SLC17A1: variants seen among roughly 807,000 people sequenced by gnomAD.
SLC17A1 encodes the protein sodium-dependent phosphate transport protein 1.
SLC17A1 carries 51 observed loss-of-function variants against 53.5 expected under a neutral mutation model. That is an observed-to-expected ratio of 0.95 (90% CI 0.76 to 1.20). The LOEUF is 1.20. SLC17A1 is among the 50% of genes most tolerant of loss of function. SLC17A1 has a pLI of 0.00. For missense variants in SLC17A1, 538 were observed against 568.2 expected (o/e 0.95, Z 0.54); for synonymous variants, 179 against 198.8 (o/e 0.90, Z 0.84).
At chr6:25,734,025 A>AGGTTGATCTCAAACTCCTGACCTC in the SLC17A1 span, among the ~76,000 whole-genome samples, 1 of 152,072 alleles carries the variant, frequency 6.6e-6, no homozygotes, top group East Asian at 1.9e-4. Flanking sequence ...CACGATGGTT[A>AGGTTGATCTCAAACTCCTGACCTC]GGTTGATCTC....
the SLC17A1 span, among the ~76,000 whole-genome samples, chr6:25,733,286 T>C: frequency 6.6e-6 from 1 of 152,094 alleles, no homozygotes; most frequent in African/African-American, 2.4e-5. Context: ...ATTTTGGGGG[T>C]TGAATTTTAG....
chr6:25,768,734 A>G, the SLC17A1 span, among the ~76,000 whole-genome samples: 1 of 152,136 alleles, frequency 6.6e-6, no homozygotes, highest in South Asian at 2.1e-4. Flanking sequence ...CCCTGCCTAA[A>G]AAGCTCTCCC....
intron 1 of SLC17A1, among the ~76,000 whole-genome samples, chr6:25,831,032 T>A (rs1333855973): frequency 6.6e-6 from 1 of 152,010 alleles, no homozygotes; most frequent in Non-Finnish European, 1.5e-5. Context: ...TAAGCAAAGG[T>A]AAAACAAATT....
chr6:25,745,762 G>C, the SLC17A1 span, among the ~76,000 whole-genome samples: 1 of 152,154 alleles, frequency 6.6e-6, no homozygotes, highest in East Asian at 1.9e-4. Context: ...GAACTAATCC[G>C]TTACTCACAA....
intron 12 of SLC17A1, among the ~76,000 whole-genome samples, chr6:25,792,947 T>C (rs1049716771): frequency 1.3e-5 from 2 of 152,172 alleles, no homozygotes; most frequent in Non-Finnish European, 2.9e-5. Context: ...AAGTCCTTCC[T>C]CTAGAAGGTG....
chr6:25,790,478 A>T (rs1407961935), intron 12 of SLC17A1, among the ~76,000 whole-genome samples: 1 of 152,148 alleles, frequency 6.6e-6, no homozygotes, highest in East Asian at 1.9e-4. Context: ...ATGATGCTCC[A>T]TTGCCCCTTC....
At chr6:25,761,480 C>T in the SLC17A1 span, among the ~76,000 whole-genome samples, 1 of 152,194 alleles carries the variant, frequency 6.6e-6, no homozygotes, top group Non-Finnish European at 1.5e-5. Flanking sequence ...ATATCTCTTA[C>T]TGTCTTTGCA....
intron 6 of SLC17A1, among the ~76,000 whole-genome samples, chr6:25,813,982 C>T (rs1419847319): frequency 6.6e-6 from 1 of 152,182 alleles, no homozygotes; most frequent in Non-Finnish European, 1.5e-5. Flanking sequence ...TCCAGTCTAT[C>T]ATTGATGGGC....
chr6:25,765,658 G>A, the SLC17A1 span, among the ~76,000 whole-genome samples: 1 of 152,152 alleles, frequency 6.6e-6, no homozygotes, highest in Non-Finnish European at 1.5e-5. Flanking sequence ...GGAAAAAAAT[G>A]TCACTGCAGA....
At chr6:25,726,119 T>C in the SLC17A1 span, 97 of 1,509,106 alleles carry the variant, frequency 6.4e-5, no homozygotes, top group Non-Finnish European at 8.2e-5. Flanking sequence ...TTTTTACCAA[T>C]GACAACCTTA....
At chr6:25,727,319 C>T in the SLC17A1 span, 4 of 1,549,040 alleles carry the variant, frequency 2.6e-6, no homozygotes, top group African/African-American at 2.7e-5. Flanking sequence ...TCATTTCTAA[C>T]CCAAAGGCTC....
chr6:25,739,075 T>C, the SLC17A1 span, among the ~76,000 whole-genome samples: 1 of 152,126 alleles, frequency 6.6e-6, no homozygotes, highest in African/African-American at 2.4e-5. Context: ...TTTTAGTCAG[T>C]TTGGGCTGCT....
chr6:25,728,538 C>T, the SLC17A1 span, among the ~76,000 whole-genome samples: 57 of 152,120 alleles, frequency 3.7e-4, no homozygotes, highest in African/African-American at 1.3e-3. Context: ...TAGTACCGGC[C>T]GGCGCGGTGG....
chr6:25,750,661 A>AG, the SLC17A1 span, among the ~76,000 whole-genome samples: 3 of 107,172 alleles, frequency 2.8e-5, no homozygotes, highest in East Asian at 1.1e-3. Flanking sequence ...GAGAGAGAGA[A>AG]AGGAGGGAAG....
intron 3 of SLC17A1, among the ~76,000 whole-genome samples, chr6:25,823,305 A>G (rs997623439): frequency 3.3e-5 from 5 of 152,164 alleles, no homozygotes; most frequent in African/African-American, 1.2e-4. Context: ...GAATGGACAT[A>G]TGCTTTTATT....
intron 12 of SLC17A1, among the ~76,000 whole-genome samples, chr6:25,792,736 C>G (rs1363851463): frequency 1.3e-5 from 2 of 152,170 alleles, no homozygotes; most frequent in African/African-American, 4.8e-5. Context: ...AATCTAGGTC[C>G]TATCCTTGTT....
At chr6:25,727,324 A>G in the SLC17A1 span, 3 of 1,545,774 alleles carry the variant, frequency 1.9e-6, no homozygotes. Flanking sequence ...TCTAACCCAA[A>G]GGCTCTTTTC....
chr6:25,755,676 C>A, the SLC17A1 span, among the ~76,000 whole-genome samples: 1 of 152,202 alleles, frequency 6.6e-6, no homozygotes, highest in Non-Finnish European at 1.5e-5. Flanking sequence ...TGATGACTCA[C>A]ACATTTATAT....
chr6:25,770,786 A>G, the SLC17A1 span: 1 of 707,570 alleles, frequency 1.4e-6, no homozygotes, highest in Non-Finnish European at 2.5e-6. Flanking sequence ...CCAAGATCAC[A>G]TAGTTACCAA....
Sources: allele counts gnomAD v4.1 joint callset (sites outside exome capture counted in the v4.1 genomes callset), GRCh38; gene constraint gnomAD v4.1.1; transcripts MANE v1.5; gene names NCBI Gene and HGNC (gene_info 2026-07-23, HGNC 2026-07-21).